The following SPOCK1 variants were observed in gnomAD, a reference collection of about 807,000 sequenced individuals.
SPOCK1 encodes the protein testican-1.
SPOCK1 carries 23 observed loss-of-function variants against 55.3 expected under a neutral mutation model. That is an observed-to-expected ratio of 0.42 (90% CI 0.30 to 0.59). The LOEUF (loss-of-function observed/expected upper bound fraction) is 0.59. SPOCK1 is among the 20% of genes least tolerant of loss of function. The pLI is 0.22. For missense variants in SPOCK1, 499 were observed against 552.5 expected, an observed-to-expected ratio of 0.90 and a Z score of 0.97; for synonymous variants, 226 against 221.0, an observed-to-expected ratio of 1.02 and a Z score of -0.20.
rs145696269 is a variant in SPOCK1, at chr5:137,467,499, T to C, written c.186+30874A>G. On this transcript the variant is annotated intron_variant, in intron 2 of 10. Coordinates refer to ENST00000394945, the MANE Select transcript of SPOCK1 (RefSeq NM_004598.4). ...GAAAATAGACATACCTCTGCTCTCA[T>C]GAAGCATATAACATAGAAGAGGAAA... Among the ~76,000 whole-genome samples the C allele has an allele frequency of 4.5e-3, 685 of 152,268 alleles. 1 individual carries two copies. Among genetic ancestry groups the C allele is most frequent in the Non-Finnish European group, 5.8e-3 (392 of 68,020 alleles).
At chr5:137,054,792 C>T (rs1339867440) in intron 6 of SPOCK1, among the ~76,000 whole-genome samples, 1 of 152,084 alleles carries the variant, frequency 6.6e-6, no homozygotes, top group African/African-American at 2.4e-5. Context: ...TTGTAACAGA[C>T]ATATTACAAA....
At chr5:137,033,315 T>C (rs1018103471) in intron 6 of SPOCK1, among the ~76,000 whole-genome samples, 4 of 152,184 alleles carry the variant, frequency 2.6e-5, no homozygotes, top group East Asian at 1.9e-4. Context: ...GAGAGGACAA[T>C]GGTCTCTGAA....
At chr5:137,042,927 G>A (rs995332974) in intron 6 of SPOCK1, among the ~76,000 whole-genome samples, 1 of 152,060 alleles carries the variant, frequency 6.6e-6, no homozygotes, top group Non-Finnish European at 1.5e-5. Context: ...AAATGAGAGT[G>A]CAGAACAACA....
intron 5 of SPOCK1, among the ~76,000 whole-genome samples, chr5:137,097,263 C>T (rs1753169040): frequency 6.6e-6 from 1 of 152,146 alleles, no homozygotes; most frequent in South Asian, 2.1e-4. Flanking sequence ...GGGAGGGGGA[C>T]TTGCCCAGCA....
intron 3 of SPOCK1, among the ~76,000 whole-genome samples, chr5:137,173,224 TGA>T (rs1754786531): frequency 6.6e-6 from 1 of 151,826 alleles, no homozygotes; most frequent in South Asian, 2.1e-4. Flanking sequence ...CTTCAAGGAG[TGA>T]CTCAAAGAAA....
chr5:137,498,152 GC>G (rs1371935481), intron 2 of SPOCK1, among the ~76,000 whole-genome samples: 2 of 152,070 alleles, frequency 1.3e-5, no homozygotes, highest in Admixed American at 6.5e-5. Context: ...CAGGTAACAG[GC>G]AAGCGCATGG....
chr5:137,431,232 G>C lies in SPOCK1; in HGVS notation c.186+67141C>G, dbSNP rs1228744979. On this transcript the variant is annotated intron_variant, in intron 2 of 10. Coordinates refer to ENST00000394945, the MANE Select transcript of SPOCK1 (RefSeq NM_004598.4). ...TCATTCTTTAAATCAGTGTAGGAGA[G>C]GTTTTCTGTTACCTACAGCCAAACA... Among the ~76,000 whole-genome samples, 6 of 152,184 alleles carry C rather than the reference G, an allele frequency of 3.9e-5. No individual in the cohort carries two copies. The South Asian group carries it at 1.0e-3, about 26-fold the overall frequency.
chr5:137,384,428 C>T (rs1411842350), intron 2 of SPOCK1, among the ~76,000 whole-genome samples: 1 of 152,132 alleles, frequency 6.6e-6, no homozygotes, highest in Non-Finnish European at 1.5e-5. Context: ...CCACCATGGA[C>T]AACTAATGAA....
intron 2 of SPOCK1, among the ~76,000 whole-genome samples, chr5:137,366,098 A>AG (rs1751055226): frequency 6.6e-6 from 1 of 152,202 alleles, no homozygotes; most frequent in South Asian, 2.1e-4. Context: ...CTTTGCCCTG[A>AG]AGTTCAGTGA....
At chr5:137,023,631 G>A (rs529923395) in intron 6 of SPOCK1, among the ~76,000 whole-genome samples, 11 of 152,272 alleles carry the variant, frequency 7.2e-5, no homozygotes, top group Admixed American at 2.6e-4. Context: ...TTGTGCTACC[G>A]ATGGACAGAA....
At chr5:137,007,894 G>A (rs1426004273) in intron 6 of SPOCK1, among the ~76,000 whole-genome samples, 1 of 151,972 alleles carries the variant, frequency 6.6e-6, no homozygotes, top group Non-Finnish European at 1.5e-5. Context: ...CAACCCAAAT[G>A]CCCATCAATG....
chr5:137,036,783 C>A (rs1240513860), intron 6 of SPOCK1, among the ~76,000 whole-genome samples: 1 of 152,184 alleles, frequency 6.6e-6, no homozygotes, highest in Non-Finnish European at 1.5e-5. Context: ...TGCCCCCAGG[C>A]TAAGCCCTTG....
chr5:137,371,878 T>C (rs1484018682), intron 2 of SPOCK1, among the ~76,000 whole-genome samples: 1 of 152,208 alleles, frequency 6.6e-6, no homozygotes, highest in African/African-American at 2.4e-5. Flanking sequence ...AAGGGGCTGT[T>C]ACTATCCTCA....
intron 5 of SPOCK1, among the ~76,000 whole-genome samples, chr5:137,110,740 C>A (rs1753451608): frequency 6.6e-6 from 1 of 152,120 alleles, no homozygotes. Flanking sequence ...GTTAAGGATT[C>A]CTGAGTCTGG....
At chr5:137,145,394 TA>T (rs1431480125) in intron 3 of SPOCK1, among the ~76,000 whole-genome samples, 1 of 152,242 alleles carries the variant, frequency 6.6e-6, no homozygotes, top group East Asian at 1.9e-4. Flanking sequence ...ACATTGATTT[TA>T]AAATCCTGAA....
At chr5:137,213,541 G>A (rs1342588040) in intron 3 of SPOCK1, among the ~76,000 whole-genome samples, 1 of 152,158 alleles carries the variant, frequency 6.6e-6, no homozygotes, top group Non-Finnish European at 1.5e-5. Context: ...ACACAAGTGG[G>A]TGACAAGGCC....
At chr5:137,147,611 T>C (rs1754222593) in intron 3 of SPOCK1, among the ~76,000 whole-genome samples, 2 of 152,210 alleles carry the variant, frequency 1.3e-5, no homozygotes, top group African/African-American at 4.8e-5. Flanking sequence ...CTCTCGTGTC[T>C]CTTCTTATAG....
At chr5:137,493,702 TC>T (rs1754238350) in intron 2 of SPOCK1, among the ~76,000 whole-genome samples, 1 of 152,230 alleles carries the variant, frequency 6.6e-6, no homozygotes, top group Non-Finnish European at 1.5e-5. Flanking sequence ...CATTTAAGTC[TC>T]CTTGAACCTG....
intron 2 of SPOCK1, among the ~76,000 whole-genome samples, chr5:137,279,484 G>A (rs1757129758): frequency 6.6e-6 from 1 of 152,190 alleles, no homozygotes; most frequent in Non-Finnish European, 1.5e-5. Flanking sequence ...GAGCGAGAGA[G>A]GACATTGCAT....
Sources: allele counts gnomAD v4.1 joint callset (sites outside exome capture counted in the v4.1 genomes callset), GRCh38; gene constraint gnomAD v4.1.1; transcripts MANE v1.5; gene names NCBI Gene and HGNC (gene_info 2026-07-23, HGNC 2026-07-21).